CPQ: variants seen among roughly 807,000 people sequenced by gnomAD.
CPQ encodes Ser-Met dipeptidase.
CPQ carries 37 observed loss-of-function variants against 45.7 expected under a neutral mutation model. That is an observed-to-expected ratio of 0.81 (90% CI 0.62 to 1.07). CPQ has a LOEUF of 1.07. CPQ is among the 50% of genes least tolerant of loss of function. The pLI is 0.00. For missense variants in CPQ, 537 were observed against 572.9 expected, an observed-to-expected ratio of 0.94 and a Z score of 0.64; for synonymous variants, 186 against 205.8, an observed-to-expected ratio of 0.90 and a Z score of 0.82.
intron 4 of CPQ, among the ~76,000 whole-genome samples, chr8:96,907,093 G>T: frequency 6.6e-6 from 1 of 152,116 alleles, no homozygotes; most frequent in East Asian, 1.9e-4. Flanking sequence ...TTCTTATTTA[G>T]AGAATGTACT....
intron 7 of CPQ, among the ~76,000 whole-genome samples, chr8:97,137,823 A>C (rs1812089580): frequency 6.6e-6 from 1 of 151,900 alleles, no homozygotes; most frequent in Admixed American, 6.6e-5. Flanking sequence ...CGGGAGGCGG[A>C]GCTTGCAGTG....
intron 1 of CPQ, among the ~76,000 whole-genome samples, chr8:96,682,339 G>A (rs966642811): frequency 6.6e-6 from 1 of 152,170 alleles, no homozygotes; most frequent in African/African-American, 2.4e-5. Flanking sequence ...AGTAAGATCT[G>A]ATGGTTTTAA....
intron 1 of CPQ, among the ~76,000 whole-genome samples, chr8:96,696,558 T>C (rs1197923514): frequency 6.6e-6 from 1 of 151,128 alleles, no homozygotes; most frequent in Non-Finnish European, 1.5e-5. Context: ...AATTAAAAAA[T>C]AGTACAAAAG....
chr8:96,667,663 A>G (rs1486771250), intron 1 of CPQ, among the ~76,000 whole-genome samples: 1 of 151,950 alleles, frequency 6.6e-6, no homozygotes, highest in Non-Finnish European at 1.5e-5. Flanking sequence ...CTCCTTTTCT[A>G]AATGAACCTC....
chr8:96,968,269 C>T (rs1813604582), intron 5 of CPQ, among the ~76,000 whole-genome samples: 1 of 152,170 alleles, frequency 6.6e-6, no homozygotes, highest in African/African-American at 2.4e-5. Flanking sequence ...TCTTAAATTT[C>T]TCCTGGTTAC....
intron 7 of CPQ, among the ~76,000 whole-genome samples, chr8:97,107,568 G>A (rs956617621): frequency 6.6e-6 from 1 of 152,198 alleles, no homozygotes; most frequent in Non-Finnish European, 1.5e-5. Context: ...ACCCTGTAAG[G>A]GGCTAAGGAC....
At chr8:97,109,085 T>C (rs1027747984) in intron 7 of CPQ, among the ~76,000 whole-genome samples, 33 of 152,186 alleles carry the variant, frequency 2.2e-4, no homozygotes, top group African/African-American at 7.2e-4. Flanking sequence ...AACTTTCTTG[T>C]ACATCCTGAA....
At chr8:96,703,687 A>G (rs1165483207) in intron 1 of CPQ, among the ~76,000 whole-genome samples, 1 of 152,102 alleles carries the variant, frequency 6.6e-6, no homozygotes, top group Non-Finnish European at 1.5e-5. Context: ...AATCCTACCT[A>G]ATAAGATTAA....
chr8:97,139,974 C>A, intron 7 of CPQ, among the ~76,000 whole-genome samples: 1 of 149,900 alleles, frequency 6.7e-6, no homozygotes, highest in African/African-American at 2.5e-5. Flanking sequence ...TCTTTTTCTT[C>A]AAATTATTAA....
intron 7 of CPQ, among the ~76,000 whole-genome samples, chr8:97,136,109 T>G (rs974343566): frequency 1.3e-5 from 2 of 152,128 alleles, no homozygotes; most frequent in African/African-American, 4.8e-5. Flanking sequence ...AGGTATTTTT[T>G]ATAATATTCA....
intron 7 of CPQ, among the ~76,000 whole-genome samples, chr8:97,106,316 G>C (rs1443580494): frequency 1.3e-5 from 2 of 152,216 alleles, no homozygotes; most frequent in Non-Finnish European, 2.9e-5. Flanking sequence ...TGAGTGATGA[G>C]TTCCCGGGTT....
chr8:96,875,830 T>A lies in CPQ; in HGVS notation c.642-3968T>A, dbSNP rs1405738789. Among the ~76,000 whole-genome samples the A allele has an allele frequency of 2.6e-5, 4 of 152,054 alleles. No individual in the cohort carries two copies. The South Asian group carries it at 8.3e-4, about 31-fold the overall frequency. On this transcript the variant is annotated intron_variant, in intron 3 of 7. Coordinates refer to ENST00000220763, the MANE Select transcript of CPQ (RefSeq NM_016134.4). The stretch of plus-strand genomic sequence containing the variant: ...TAATCAGCTTGTCAATTTCTTTTTT[T>A]AAAAAAAGCAGCTGGAATTTTGATA...
chr8:96,864,033 G>A (rs562351206), intron 3 of CPQ, among the ~76,000 whole-genome samples: 7 of 152,130 alleles, frequency 4.6e-5, no homozygotes, highest in African/African-American at 1.7e-4. Context: ...GCTATCACTG[G>A]TAATAGCCAG....
At chr8:97,059,604 C>T (rs577660588) in intron 6 of CPQ, among the ~76,000 whole-genome samples, 3 of 152,238 alleles carry the variant, frequency 2.0e-5, no homozygotes, top group African/African-American at 7.2e-5. Context: ...AGCAGAGGAA[C>T]CTTCTTTACC....
intron 2 of CPQ, among the ~76,000 whole-genome samples, chr8:96,812,268 C>G (rs983693136): frequency 1.3e-5 from 2 of 152,136 alleles, no homozygotes; most frequent in African/African-American, 4.8e-5. Context: ...TTCTTTGGCA[C>G]CTGCACTGGG....
chr8:96,697,042 A>G (rs979156239), intron 1 of CPQ, among the ~76,000 whole-genome samples: 1 of 152,212 alleles, frequency 6.6e-6, no homozygotes, highest in Non-Finnish European at 1.5e-5. Context: ...CCCTGATACA[A>G]AAACCAAACA....
At chr8:96,883,839 C>T (rs1299936393) in intron 4 of CPQ, among the ~76,000 whole-genome samples, 1 of 152,332 alleles carries the variant, frequency 6.6e-6, no homozygotes, top group Middle Eastern at 3.4e-3. Context: ...TGAGAGCAGG[C>T]ACTCTGTTCA....
intron 4 of CPQ, among the ~76,000 whole-genome samples, chr8:96,957,127 G>A (rs1244251402): frequency 1.3e-5 from 2 of 152,180 alleles, no homozygotes; most frequent in Admixed American, 6.5e-5. Context: ...GTTCTCAGGT[G>A]TCATCATCAT....
intron 5 of CPQ, among the ~76,000 whole-genome samples, chr8:96,997,882 G>A (rs921542470): frequency 6.6e-6 from 1 of 151,928 alleles, no homozygotes; most frequent in African/African-American, 2.4e-5. Context: ...GTGCTAGTTA[G>A]CATCCGAATT....
Sources: allele counts gnomAD v4.1 joint callset (sites outside exome capture counted in the v4.1 genomes callset), GRCh38; gene constraint gnomAD v4.1.1; transcripts MANE v1.5; gene names NCBI Gene and HGNC (gene_info 2026-07-23, HGNC 2026-07-21).